Variants in GRIN2C observed in about 807,000 individuals in gnomAD.
The protein encoded by GRIN2C is glutamate ionotropic receptor NMDA type subunit 2C.
Under a neutral mutation model 77.7 loss-of-function variants are expected in GRIN2C, and 64 were observed. That is an observed-to-expected ratio of 0.82 (90% CI 0.67 to 1.01). GRIN2C has a LOEUF of 1.01. Among genes scored for constraint, GRIN2C ranks in the 50% least tolerant of loss-of-function variants. GRIN2C has a pLI of 0.00. For synonymous variants in GRIN2C, 792 were observed against 643.4 expected (o/e 1.23, Z -3.49); for missense variants, 1,549 against 1,486.0 (o/e 1.04, Z -0.70).
In GRIN2C at chr17:74,852,216, G is replaced by C. The variant is rs2037670330; in HGVS notation, c.795C>G (p.Pro265=). 1 of 1,445,804 alleles carries C rather than the reference G, an allele frequency of 6.9e-7. No individual in the cohort carries two copies. Among genetic ancestry groups the C allele is most frequent in the African/African-American group, 1.5e-5 (1 of 67,414 alleles). 89.6% of individuals were successfully genotyped at this position (1,445,804 alleles called of 1,614,324 possible). Residue 265 remains proline (P), a synonymous_variant, in exon 3 of 13, where the codon CCC becomes CCG. Transcript: ENST00000293190. ...PNLALGSTDA[P]PATFPVGLIS... ...TGAGGCCCACGGGGAAGGTGGCGGG[G>C]GGCGCATCGGTGCTGCCCAGCGCCA... is the stretch of plus-strand genomic sequence containing the variant.
intron 12 of GRIN2C, chr17:74,844,006 T>C: frequency 1.6e-6 from 1 of 606,628 alleles, no homozygotes; most frequent in Non-Finnish European, 2.8e-6. Flanking sequence ...CCTGAGTAGC[T>C]GGGACTGCAG....
At position 74,849,765 on chromosome 17, in the gene GRIN2C, C is replaced by A; in HGVS notation, c.1645+15G>T. The A allele has an allele frequency of 6.2e-7, 1 of 1,606,482 alleles. No individual in the cohort carries two copies. Among genetic ancestry groups the A allele is most frequent in the East Asian group, 2.2e-5 (1 of 44,780 alleles). On this transcript the variant is annotated intron_variant, in intron 7 of 12. Coordinates refer to ENST00000293190, the MANE Select transcript of GRIN2C (RefSeq NM_000835.6). This position sits in a 1 kb window ranked among gnomAD's most constrained non-coding sequence, Gnocchi z 4.6. ...CTCTGCCCCCGGAGCCGTCTCTGCC[C>A]ACCCTGGGCCTCACCCAAGAAGGCC...
chr17:74,850,419 G>T lies in GRIN2C; in HGVS notation c.1326-48C>A. 6.3e-7 allele frequency: 1 copy of T among 1,590,260 alleles called. No homozygotes were observed. On this transcript the variant is annotated intron_variant, in intron 5 of 12. Coordinates refer to ENST00000293190, the MANE Select transcript of GRIN2C (RefSeq NM_000835.6). This position sits in a 1 kb window ranked among gnomAD's most constrained non-coding sequence, Gnocchi z 5.3. Reference sequence around the variant, plus strand: ...CCACCGGGAGTCAGAGTATGTCGTGGCCCAGCCCCGCCCCAGCCACTCCTC... The same window carrying T: ...CCACCGGGAGTCAGAGTATGTCGTGTCCCAGCCCCGCCCCAGCCACTCCTC...
rs142914984 is a variant in GRIN2C, at chr17:74,844,920, C to CTTA, written c.2351-415_2351-413dup. Reference sequence around the variant, plus strand: ...CTAAGAGACACACATTGTGATTGCTCTTATTATTATTATTGTTATTATTAT... The same window carrying CTTA: ...CTAAGAGACACACATTGTGATTGCTCTTATTATTATTATTATTGTTATTATTAT... On this transcript the variant is annotated intron_variant, in intron 11 of 12. Coordinates refer to ENST00000293190, the MANE Select transcript of GRIN2C (RefSeq NM_000835.6). 5.5e-3 allele frequency among the ~76,000 whole-genome samples: 841 copies of CTTA among 152,014 alleles called. 7 individuals carry two copies. The highest frequency in any genetic ancestry group is 0.019 in the African/African-American group (806 of 41,376).
chr17:74,847,329 C>T lies in GRIN2C; in HGVS notation c.1980G>A (p.Val660=), dbSNP rs750870323. 8 of 1,599,748 alleles carry T rather than the reference C, an allele frequency of 5.0e-6. No individual in the cohort carries two copies. In the East Asian group the frequency reaches 1.2e-4, roughly 23 times the overall value. ...CAACCTTCTTGTCACTGAGGCCCGA[C>T]ACAGTGTCGATGTATTGCTCTTGGA... ...FMIQEQYIDT[V]SGLSDKKFQR... The change falls in exon 9 of 13, where the codon GTG becomes GTA. Residue 660 remains valine, a synonymous_variant. Coordinates refer to ENST00000293190, the MANE Select transcript of GRIN2C (RefSeq NM_000835.6). The surrounding 1 kb of genome is among the most constrained non-coding windows in gnomAD (Gnocchi z 5.2).
Position 74,846,295 on chromosome 17 carries a change from G to A in GRIN2C, c.2163-42C>T, listed in dbSNP as rs539642495. 25 of 1,576,812 alleles carry A rather than the reference G, an allele frequency of 1.6e-5. No individual in the cohort carries two copies. The highest frequency in any genetic ancestry group is 1.9e-5 in the Non-Finnish European group (22 of 1,148,302). ...CCTCAGAGCTAGGGACCATATGGGA[G>A]GGGAGGGGACACCGAAACTGGGGCG... On this transcript the variant is annotated intron_variant, in intron 10 of 12. Transcript: ENST00000293190. The surrounding 1 kb of genome is among the most constrained non-coding windows in gnomAD (Gnocchi z 4.4).
Position 74,850,813 on chromosome 17 carries a change from C to G in GRIN2C, c.1114-46G>C. 6.7e-7 allele frequency: 1 copy of G among 1,498,208 alleles called. No individual in the cohort carries two copies. The highest frequency in any genetic ancestry group is 9.2e-7 in the Non-Finnish European group (1 of 1,090,272). The allele number at this position is 1,498,208 out of a possible 1,614,324, so 92.8% of individuals were successfully genotyped here. Reference sequence around the variant, plus strand: ...AGCCTGGGGCCTCCAGCCCTACAGCCCCCACCCTCTAGGTGGAGCCTGCCA... The same window carrying G: ...AGCCTGGGGCCTCCAGCCCTACAGCGCCCACCCTCTAGGTGGAGCCTGCCA... On this transcript the variant is annotated intron_variant, in intron 4 of 12. Transcript: ENST00000293190. The surrounding 1 kb of genome is among the most constrained non-coding windows in gnomAD (Gnocchi z 5.3).
At chr17:74,844,140 T>G in intron 12 of GRIN2C, 136 bp downstream of exon 12, 2 of 1,449,822 alleles carry the variant, frequency 1.4e-6, no homozygotes, top group Non-Finnish European at 1.8e-6. Context: ...TCTCAAAGTG[T>G]TGAGATTACA....
In GRIN2C at chr17:74,852,421, T is replaced by C; in HGVS notation, c.590A>G (p.Asp197Gly). Reference sequence around the variant, plus strand: ...CGGGCCCAGCTCCAGCGTGACCACGTCCAGCAGCCGCCAACTCACGTGGCT... The same window carrying C: ...CGGGCCCAGCTCCAGCGTGACCACGCCCAGCAGCCGCCAACTCACGTGGCT... Reference protein sequence around the residue: ...DASHVSWRLLDVVTLELGPGG... With the variant: ...DASHVSWRLLGVVTLELGPGG... The change falls in exon 3 of 13, where the codon GAC (aspartate) becomes GGC (glycine). Residue 197 changes from aspartate (D) to glycine (G), a missense_variant. Asp to Gly is a moderately conservative substitution (Grantham distance 94, BLOSUM62 -1). Coordinates refer to ENST00000293190, the MANE Select transcript of GRIN2C (RefSeq NM_000835.6). 8 of 1,516,166 alleles carry C rather than the reference T, an allele frequency of 5.3e-6. No individual in the cohort carries two copies. The highest frequency in any genetic ancestry group is 5.3e-6 in the Non-Finnish European group (6 of 1,140,408). The allele number at this position is 1,516,166 out of a possible 1,614,324, so 93.9% of individuals were successfully genotyped here. A position where few individuals can be genotyped will look rare whatever the true frequency, so the allele number is the denominator to read the frequency against.
Position 74,846,111 on chromosome 17 carries a change from A to T in GRIN2C, c.2305T>A (p.Trp769Arg). 1 of 1,614,196 alleles carries T rather than the reference A, an allele frequency of 6.2e-7. No homozygotes were observed. The highest frequency in any genetic ancestry group is 1.1e-5 in the South Asian group (1 of 91,086). Residue 769 changes from tryptophan to arginine, a missense_variant, in exon 11 of 13, where the codon TGG (tryptophan) becomes AGG (arginine). Around this residue, in one of 3 missense-constraint regions of GRIN2C, gnomAD observed 717 missense variants for 858.1 expected, o/e 0.84. Coordinates refer to ENST00000293190, the MANE Select transcript of GRIN2C (RefSeq NM_000835.6). This position sits in a 1 kb window ranked among gnomAD's most constrained non-coding sequence, Gnocchi z 4.4. ...YGIAMQKDSHWKRAIDLALLQ... is the reference protein window; with the variant it reads ...YGIAMQKDSHRKRAIDLALLQ... ...AGCGCCAGGTCTATGGCCCGCTTCC[A>T]GTGGGAGTCCTTCTGCATGGCGATG...
At position 74,850,729 on chromosome 17, in the gene GRIN2C, G is replaced by C; in HGVS notation, c.1152C>G (p.Tyr384Ter). 1 of 1,613,388 alleles carries C rather than the reference G, an allele frequency of 6.2e-7. No individual in the cohort carries two copies. Among genetic ancestry groups the C allele is most frequent in the East Asian group, 2.2e-5 (1 of 44,882 alleles). ...RWEHGVLYMKYPVWPRYSASL... is the reference protein window; with the variant it reads ...RWEHGVLYMK The stretch of plus-strand genomic sequence containing the variant: ...AGGCACTGTAGCGAGGCCACACGGG[G>C]TACTTCATGTATAGGACGCCATGCT... The change falls in exon 5 of 13, where the codon TAC (tyrosine) becomes TAG (stop). Residue 384 changes from tyrosine to a stop codon, truncating the protein, a stop_gained. Transcript: ENST00000293190. LOFTEE classifies it high-confidence loss of function. This position sits in a 1 kb window ranked among gnomAD's most constrained non-coding sequence, Gnocchi z 5.3.
rs773299853 is a variant in GRIN2C at position 74,847,371 on chromosome 17, G to C, written c.1938C>G (p.Asn646Lys). 3.1e-6 allele frequency: 5 copies of C among 1,613,942 alleles called. No individual in the cohort carries two copies. The highest frequency in any genetic ancestry group is 4.2e-6 in the Non-Finnish European group (5 of 1,179,958). The change falls in exon 9 of 13, where the codon AAC (asparagine) becomes AAG (lysine). Residue 646 changes from asparagine to lysine, a missense_variant. By Grantham distance (94) the Asn-to-Lys change is moderately conservative. Transcript: ENST00000293190. The surrounding 1 kb of genome is among the most constrained non-coding windows in gnomAD (Gnocchi z 5.2). ...GCTCTTGGATCATGAAGGCGGCCAGGTTGGCCGTGTAGCTGGCGAGGAAGA... is the reference window on the plus strand; with the variant it reads ...GCTCTTGGATCATGAAGGCGGCCAGCTTGGCCGTGTAGCTGGCGAGGAAGA... ...AVIFLASYTANLAAFMIQEQY... is the reference protein window; with the variant it reads ...AVIFLASYTAKLAAFMIQEQY...
chr17:74,861,231 C>T (rs757896946), upstream of GRIN2C, among the ~76,000 whole-genome samples: 1 of 152,094 alleles, frequency 6.6e-6, no homozygotes, highest in Non-Finnish European at 1.5e-5. Flanking sequence ...TCCGGCCGCC[C>T]GGGTCAAAAC....
At chr17:74,844,688 G>A (rs2037404226) in intron 11 of GRIN2C, among the ~76,000 whole-genome samples, 180 bp from the exon 12 acceptor site, 1 of 152,160 alleles carries the variant, frequency 6.6e-6, no homozygotes, top group African/African-American at 2.4e-5. Context: ...GCGGGGAGTG[G>A]AGGGTCAGTG....
In GRIN2C at chr17:74,842,477, G is replaced by A; in HGVS notation, c.3660C>T (p.Pro1220=). ...VARGTQGFPG[P]CTWRRISSLE... is the part of the protein sequence containing the mutation. ...GACTGGAGATCCGTCTCCAGGTGCA[G>A]GGTCCCGGGAAGCCTTGCGTCCCAC... The change falls in exon 13 of 13, where the codon CCC becomes CCT. Residue 1220 remains proline (P), a synonymous_variant. Transcript: ENST00000293190. 1 of 777,672 alleles carries A rather than the reference G, an allele frequency of 1.3e-6. No individual in the cohort carries two copies. The highest frequency in any genetic ancestry group is 2.4e-5 in the East Asian group (1 of 41,106). 48.2% of individuals were successfully genotyped at this position (777,672 alleles called of 1,614,324 possible). A position where few individuals can be genotyped will look rare whatever the true frequency, so the allele number is the denominator to read the frequency against.
chr17:74,852,050 G>C lies in GRIN2C; in HGVS notation c.961C>G (p.Pro321Ala), dbSNP rs2037662536. Residue 321 changes from proline to alanine, a missense_variant, in exon 3 of 13, where the codon CCT becomes GCT. Pro to Ala is a conservative substitution (Grantham distance 27). This residue lies in a region of GRIN2C where 717 missense variants were observed against 858.1 expected (regional missense o/e 0.84). Transcript: ENST00000293190. Reference protein sequence around the residue: ...PAPAGDCRVHPGPVSPAREAF... With the variant: ...PAPAGDCRVHAGPVSPAREAF... ...TCCCGGGCAGGGCTGACGGGCCCAG[G>C]GTGAACACGGCAGTCCCCGGCCGGG... 1.4e-6 allele frequency: 2 copies of C among 1,464,424 alleles called. No individual in the cohort carries two copies. Among genetic ancestry groups the C allele is most frequent in the East Asian group, 2.5e-5 (1 of 39,300 alleles). 90.7% of individuals were successfully genotyped at this position (1,464,424 alleles called of 1,614,324 possible).
chr17:74,846,062 C>G lies in GRIN2C; in HGVS notation c.2350+4G>C, dbSNP rs147991899. 52 of 1,613,556 alleles carry G rather than the reference C, an allele frequency of 3.2e-5. No homozygotes were observed. In the East Asian group the frequency reaches 1.1e-3, roughly 34 times the overall value. On this transcript the variant is annotated splice_donor_region_variant and intron_variant, in intron 11 of 12. Coordinates refer to ENST00000293190, the MANE Select transcript of GRIN2C (RefSeq NM_000835.6). This position sits in a 1 kb window ranked among gnomAD's most constrained non-coding sequence, Gnocchi z 4.4. Reference sequence around the variant, plus strand: ...CTGGGCATCCCAGCAATGGCAGTACCCACCGTCCCCCAGGAACTGCAAGAG... The same window carrying G: ...CTGGGCATCCCAGCAATGGCAGTACGCACCGTCCCCCAGGAACTGCAAGAG...
At chr17:74,858,262 C>T (rs2037867331) in intron 1 of GRIN2C, among the ~76,000 whole-genome samples, 1 of 151,744 alleles carries the variant, frequency 6.6e-6, no homozygotes, top group African/African-American at 2.4e-5. Flanking sequence ...TGTTCTCATT[C>T]CCACTCTCTC....
At position 74,852,321 on chromosome 17, in the gene GRIN2C, G is replaced by T. The variant is rs114825783; in HGVS notation, c.690C>A (p.Arg230=). The T allele has an allele frequency of 6.9e-7, 1 of 1,453,400 alleles. No homozygotes were observed. 90.0% of individuals were successfully genotyped at this position (1,453,400 alleles called of 1,614,324 possible). A position where few individuals can be genotyped will look rare whatever the true frequency, so the allele number is the denominator to read the frequency against. Residue 230 remains arginine (R), a synonymous_variant, in exon 3 of 13, where the codon CGC becomes CGA. Coordinates refer to ENST00000293190, the MANE Select transcript of GRIN2C (RefSeq NM_000835.6). The stretch of plus-strand genomic sequence containing the variant: ...CGGCGAAGAGCACCTCGGCCTCCTC[G>T]CGCGAGCAGTAGGCCACAAACACGG... ...DAPVFVAYCS[R]EEAEVLFAEA... is the part of the protein sequence containing the mutation.
Sources: gnomAD v4.1 joint callset for allele counts (sites outside exome capture counted in the v4.1 genomes callset) on GRCh38, gnomAD v4.1.1 for gene constraint, gnomAD v4.1.1 regional missense constraint, Gnocchi (gnomAD v3.1) non-coding constraint, MANE v1.5 for transcripts, NCBI Gene and HGNC (gene_info 2026-07-23, HGNC 2026-07-21) for gene names.